The following OXCT1 variants were observed in gnomAD, a reference collection of about 807,000 sequenced individuals.
The protein encoded by OXCT1 is 3-oxoacid CoA-transferase 1.
OXCT1 carries 27 observed loss-of-function variants against 69.6 expected under a neutral mutation model. The observed-to-expected ratio is 0.39, with a 90% confidence interval of 0.29 to 0.54. The LOEUF (loss-of-function observed/expected upper bound fraction) is 0.54, where lower values mean the gene tolerates loss of function less well. Among genes scored for constraint, OXCT1 ranks in the 20% least tolerant of loss-of-function variants. OXCT1 has a pLI of 0.72. For synonymous variants in OXCT1, 202 were observed against 217.8 expected, an observed-to-expected ratio of 0.93 and a Z score of 0.64; for missense variants, 437 against 650.2, an observed-to-expected ratio of 0.67 and a Z score of 3.57.
At chr5:41,775,272 C>G (rs1019412654) in intron 13 of OXCT1, among the ~76,000 whole-genome samples, 1 of 152,168 alleles carries the variant, frequency 6.6e-6, no homozygotes, top group Non-Finnish European at 1.5e-5. Flanking sequence ...TCCAGGCCAC[C>G]AGTACCTCTG....
intron 3 of OXCT1, among the ~76,000 whole-genome samples, chr5:41,856,522 G>A (rs999819398): frequency 2.0e-5 from 3 of 152,140 alleles, no homozygotes; most frequent in African/African-American, 7.2e-5. Flanking sequence ...CTCCAGCTCA[G>A]CTGATTCCTT....
At chr5:41,786,459 T>A (rs968129057) in intron 13 of OXCT1, among the ~76,000 whole-genome samples, 1 of 152,190 alleles carries the variant, frequency 6.6e-6, no homozygotes, top group Non-Finnish European at 1.5e-5. Context: ...CTATATAACC[T>A]TCTTCAAATG....
chr5:41,791,341 G>A (rs1277404865), intron 13 of OXCT1, among the ~76,000 whole-genome samples: 1 of 152,174 alleles, frequency 6.6e-6, no homozygotes, highest in Non-Finnish European at 1.5e-5. Flanking sequence ...CTTCCATGAT[G>A]TTCCTACAGA....
chr5:41,808,260 A>ACATACACAC (rs1746785233), intron 7 of OXCT1, among the ~76,000 whole-genome samples: 1 of 152,100 alleles, frequency 6.6e-6, no homozygotes, highest in African/African-American at 2.4e-5. Context: ...ACGCACACAA[A>ACATACACAC]CATACACACC....
At chr5:41,847,358 G>T (rs1748965746) in intron 5 of OXCT1, among the ~76,000 whole-genome samples, 1 of 152,046 alleles carries the variant, frequency 6.6e-6, no homozygotes, top group South Asian at 2.1e-4. Flanking sequence ...GGTACAAGGA[G>T]GAACTGGTAC....
chr5:41,735,821 G>A (rs1286102557), intron 16 of OXCT1, among the ~76,000 whole-genome samples: 1 of 152,170 alleles, frequency 6.6e-6, no homozygotes, highest in African/African-American at 2.4e-5. Context: ...ACCTTAACAT[G>A]TGAAACTCAG....
intron 13 of OXCT1, among the ~76,000 whole-genome samples, chr5:41,767,348 T>C (rs1433516782): frequency 6.6e-6 from 1 of 152,108 alleles, no homozygotes; most frequent in Non-Finnish European, 1.5e-5. Context: ...TATAATTATA[T>C]TCTCTATTGT....
chr5:41,797,486 A>G (rs1275750025), intron 11 of OXCT1, among the ~76,000 whole-genome samples: 2 of 152,246 alleles, frequency 1.3e-5, no homozygotes, highest in Non-Finnish European at 2.9e-5. Flanking sequence ...TGGTCAAGAA[A>G]AGTCGTAACT....
intron 7 of OXCT1, among the ~76,000 whole-genome samples, chr5:41,820,463 T>C (rs1747492038): frequency 6.6e-6 from 1 of 152,196 alleles, no homozygotes; most frequent in Non-Finnish European, 1.5e-5. Flanking sequence ...ACTAAAGCAT[T>C]AATAGTGAAA....
chr5:41,839,503 A>C (rs1440615624), intron 7 of OXCT1, among the ~76,000 whole-genome samples: 2 of 152,234 alleles, frequency 1.3e-5, no homozygotes, highest in African/African-American at 2.4e-5. Flanking sequence ...CAGAAAATGT[A>C]AAGCCATTGC....
chr5:41,772,161 G>T (rs942132845), intron 13 of OXCT1, among the ~76,000 whole-genome samples: 4 of 152,084 alleles, frequency 2.6e-5, no homozygotes, highest in African/African-American at 7.2e-5. Flanking sequence ...GGAAATACTT[G>T]TTCTCAGAAA....
At chr5:41,751,069 C>T (rs532287145) in intron 14 of OXCT1, among the ~76,000 whole-genome samples, 1 of 152,222 alleles carries the variant, frequency 6.6e-6, no homozygotes, top group African/African-American at 2.4e-5. Context: ...ATTTTCACTT[C>T]ACTTCTAATT....
Position 41,731,611 on chromosome 5 carries a change from C to T in OXCT1, c.*118G>A, listed in dbSNP as rs1372044476. 7.1e-7 allele frequency: 1 copy of T among 1,418,230 alleles called. No individual in the cohort carries two copies. The highest frequency in any genetic ancestry group is 9.7e-7 in the Non-Finnish European group (1 of 1,033,032). The allele number at this position is 1,418,230 out of a possible 1,614,324, so 87.9% of individuals were successfully genotyped here. On this transcript the variant is annotated 3_prime_UTR_variant, in exon 17 of 17. Coordinates refer to ENST00000196371, the MANE Select transcript of OXCT1 (RefSeq NM_000436.4). ...ATATGGCTGCATAAAGTCTGAAACA[C>T]AAGAAAACTAATAAAAAACCACCTG...
At chr5:41,743,643 A>C (rs1354281208) in intron 15 of OXCT1, among the ~76,000 whole-genome samples, 1 of 152,084 alleles carries the variant, frequency 6.6e-6, no homozygotes, top group African/African-American at 2.4e-5. Flanking sequence ...ATCCATCTTG[A>C]ATTAATTTTT....
chr5:41,842,143 A>G (rs1748655579), intron 6 of OXCT1, among the ~76,000 whole-genome samples: 1 of 152,218 alleles, frequency 6.6e-6, no homozygotes, highest in African/African-American at 2.4e-5. Flanking sequence ...TTTAAAATCT[A>G]TAAAGTCTGT....
rs1391849838 is a variant in OXCT1, at chr5:41,840,588, T to C, written c.672-77A>G. ...CATCTCTGTCACCTTTAAGGTTTTA[T>C]AGATTAGAATTTCTATGAACTAAGA... is the stretch of plus-strand genomic sequence containing the variant. On this transcript the variant is annotated intron_variant, in intron 6 of 16. Coordinates refer to ENST00000196371, the MANE Select transcript of OXCT1 (RefSeq NM_000436.4). 4.0e-5 allele frequency: 33 copies of C among 830,726 alleles called. No homozygotes were observed. The East Asian group carries it at 4.9e-4, about 12-fold the overall frequency. 51.5% of individuals were successfully genotyped at this position (830,726 alleles called of 1,614,324 possible). A position where few individuals can be genotyped will look rare whatever the true frequency, so the allele number is the denominator to read the frequency against.
chr5:41,862,201 A>G (rs1404961422), intron 2 of OXCT1, among the ~76,000 whole-genome samples: 1 of 152,094 alleles, frequency 6.6e-6, no homozygotes, highest in African/African-American at 2.4e-5. Flanking sequence ...ACAAAGTGAA[A>G]CTCCCTCGAG....
At chr5:41,801,130 G>C (rs986323133) in intron 10 of OXCT1, 60 bp from the exon 11 acceptor site, 8 of 1,229,842 alleles carry the variant, frequency 6.5e-6, no homozygotes, top group Non-Finnish European at 9.6e-6. Context: ...TCACATATTA[G>C]AACTATAATA....
At chr5:41,772,421 A>C (rs1413526602) in intron 13 of OXCT1, among the ~76,000 whole-genome samples, 2 of 152,268 alleles carry the variant, frequency 1.3e-5, no homozygotes, top group East Asian at 3.9e-4. Context: ...AATCATTACC[A>C]GTGTTTTTTT....
Sources: allele counts gnomAD v4.1 joint callset (sites outside exome capture counted in the v4.1 genomes callset), GRCh38; gene constraint gnomAD v4.1.1; transcripts MANE v1.5; gene names NCBI Gene and HGNC (gene_info 2026-07-23, HGNC 2026-07-21).